AHCTF1: variants seen among roughly 807,000 people sequenced by gnomAD.
The protein encoded by AHCTF1 is AT-hook containing transcription factor 1.
Under a neutral mutation model 248.4 loss-of-function variants are expected in AHCTF1, and 24 were observed. The observed-to-expected ratio is 0.10, with a 90% CI of 0.07 to 0.14. AHCTF1 has a LOEUF of 0.14. AHCTF1 is among the 10% of genes least tolerant of loss of function. AHCTF1 has a pLI of 1.00. For missense variants in AHCTF1, 2,206 were observed against 2,636.2 expected (o/e 0.84, Z 3.57); for synonymous variants, 786 against 929.8 (o/e 0.85, Z 2.81).
At chr1:246,878,217 G>A (rs1015104150) in intron 21 of AHCTF1, among the ~76,000 whole-genome samples, 1 of 151,580 alleles carries the variant, frequency 6.6e-6, no homozygotes, top group Non-Finnish European at 1.5e-5. Context: ...GGGCAACGTG[G>A]TGAGACCCTA....
At position 246,859,487 on chromosome 1, in the gene AHCTF1, T is replaced by C. The variant is rs116790263; in HGVS notation, c.4132+1412A>G. ...CATTTCTACTTGACTCACTGTTTGATCTTCAACACCTAGAATAAACACAGT... is the reference window on the plus strand; with the variant it reads ...CATTTCTACTTGACTCACTGTTTGACCTTCAACACCTAGAATAAACACAGT... On this transcript the variant is annotated intron_variant, in intron 29 of 35. Transcript: ENST00000648844. Among the ~76,000 whole-genome samples, 960 of 152,298 alleles carry C rather than the reference T, an allele frequency of 6.3e-3. 6 individuals are homozygous for C. The highest frequency in any genetic ancestry group is 0.025 in the South Asian group (123 of 4,824).
intron 4 of AHCTF1, among the ~76,000 whole-genome samples, chr1:246,911,368 T>C (rs764884470): frequency 2.0e-5 from 3 of 152,216 alleles, no homozygotes; most frequent in Admixed American, 1.3e-4. Context: ...TTTTTAGTTA[T>C]TGCTTTTGCT....
intron 26 of AHCTF1, among the ~76,000 whole-genome samples, chr1:246,864,550 T>C (rs1558226412): frequency 6.6e-6 from 1 of 152,178 alleles, no homozygotes; most frequent in Admixed American, 6.5e-5. Flanking sequence ...TATTGGTTCA[T>C]TTTGCCTTTA....
Position 246,849,769 on chromosome 1 carries a change from C to T in AHCTF1, c.6237G>A (p.Glu2079=). 2 of 1,613,930 alleles carry T rather than the reference C, an allele frequency of 1.2e-6. No individual in the cohort carries two copies. The highest frequency in any genetic ancestry group is 2.2e-5 in the East Asian group (1 of 44,882). Residue 2079 remains glutamate, a synonymous_variant, in exon 33 of 36, where the codon GAG becomes GAA. Transcript: ENST00000648844. ...TDEMTHKETN[E]QEERLLATAS... ...CTGTGGCGAGCAATCTTTCTTCCTG[C>T]TCATTTGTTTCTTTATGTGTCATTT...
rs557080972 is a variant in AHCTF1 at position 246,839,513 on chromosome 1, G to C, written c.*1293C>G. 1.5e-5 allele frequency: 15 copies of C among 985,562 alleles called. No homozygotes were observed. The highest frequency in any genetic ancestry group is 1.8e-5 in the Non-Finnish European group (15 of 829,754). 61.1% of individuals were successfully genotyped at this position (985,562 alleles called of 1,614,324 possible). A position where few individuals can be genotyped will look rare whatever the true frequency, so the allele number is the denominator to read the frequency against. On this transcript the variant is annotated 3_prime_UTR_variant, in exon 36 of 36. Coordinates refer to ENST00000648844, the MANE Select transcript of AHCTF1 (RefSeq NM_001323342.2). ...TCAGTGAAATTTTCAACAAGGCAGC[G>C]TAACATCCATCACTAACCTGACTAA...
chr1:246,919,712 A>AAC (rs1666389860), intron 1 of AHCTF1, among the ~76,000 whole-genome samples: 2 of 151,662 alleles, frequency 1.3e-5, no homozygotes, highest in African/African-American at 4.9e-5. Flanking sequence ...TCAAAAAAAA[A>AAC]AAAAATCCTC....
Position 246,840,974 on chromosome 1 carries a change from C to T in AHCTF1, c.6633G>A (p.Trp2211Ter). The change falls in exon 36 of 36, where the codon TGG becomes TGA. Residue 2211 changes from tryptophan to a stop codon, truncating the protein, a stop_gained. Coordinates refer to ENST00000648844, the MANE Select transcript of AHCTF1 (RefSeq NM_001323342.2). LOFTEE classifies it high-confidence loss of function. The stretch of plus-strand genomic sequence containing the variant: ...GCCGAATTTCTATGGGAGGAGGTGA[C>T]CAAGCACTTTCTTTTTCTGTGTTTC... ...ASKNTEKESA[W>*]SPPPIEIRLI... 2.5e-6 allele frequency: 4 copies of T among 1,606,532 alleles called. No individual in the cohort carries two copies. Among genetic ancestry groups the T allele is most frequent in the Non-Finnish European group, 2.5e-6 (3 of 1,177,946 alleles).
intron 4 of AHCTF1, among the ~76,000 whole-genome samples, chr1:246,912,205 T>C (rs1326055158): frequency 2.6e-5 from 4 of 151,910 alleles, no homozygotes; most frequent in African/African-American, 2.4e-5. Flanking sequence ...GTGCCGGGTG[T>C]GGTGGCTCAC....
At chr1:246,880,567 CAAAAAA>C (rs370055569) in intron 21 of AHCTF1, among the ~76,000 whole-genome samples, 3 of 54,508 alleles carry the variant, frequency 5.5e-5, no homozygotes, top group Non-Finnish European at 1.2e-4. Context: ...GACTCCAGCT[CAAAAAA>C]AAAAAAAAAA....
At chr1:246,915,996 T>A in intron 3 of AHCTF1, 146 bp downstream of exon 3, 2 of 950,558 alleles carry the variant, frequency 2.1e-6, no homozygotes, top group Non-Finnish European at 3.0e-6. Context: ...TTCTAAACAC[T>A]TTACCTAAGA....
chr1:246,846,566 CCAT>C (rs577248790), intron 33 of AHCTF1, among the ~76,000 whole-genome samples: 98 of 152,020 alleles, frequency 6.4e-4, no homozygotes, highest in Non-Finnish European at 1.1e-3. Flanking sequence ...CCTTCCAATC[CCAT>C]CATCTCATTC....
At chr1:246,907,958 AAC>A (rs1251088784) in intron 4 of AHCTF1, among the ~76,000 whole-genome samples, 200 bp from the exon 5 acceptor site, 48 of 152,366 alleles carry the variant, frequency 3.2e-4, no homozygotes, top group Non-Finnish European at 5.9e-4. Context: ...CAATTTAAAA[AAC>A]ACATTCAATT....
At chr1:246,878,494 A>C (rs1243463502) in intron 21 of AHCTF1, among the ~76,000 whole-genome samples, 2 of 151,694 alleles carry the variant, frequency 1.3e-5, no homozygotes, top group African/African-American at 4.8e-5. Context: ...GAAAATCATT[A>C]GTTTTTTAAA....
chr1:246,901,350 A>T (rs1392681494), intron 8 of AHCTF1, among the ~76,000 whole-genome samples: 2 of 152,046 alleles, frequency 1.3e-5, no homozygotes, highest in South Asian at 4.2e-4. Context: ...AAAAAAACAA[A>T]AACAGGCCAG....
rs777073621 is a variant in AHCTF1, at chr1:246,864,649, C to T, written c.3348-533G>A. 2.7e-4 allele frequency among the ~76,000 whole-genome samples: 6 copies of T among 22,176 alleles called. 2 individuals carry two copies. The highest frequency in any genetic ancestry group is 3.9e-4 in the Non-Finnish European group (6 of 15,524). 14.5% of individuals were successfully genotyped at this position (22,176 alleles called of 152,430 possible). ...AGGAGATCGAGACCATCCTGGCTAACAAGGTGAAACCCCGTCTCTACTAAA... is the reference window on the plus strand; with the variant it reads ...AGGAGATCGAGACCATCCTGGCTAATAAGGTGAAACCCCGTCTCTACTAAA... On this transcript the variant is annotated intron_variant, in intron 26 of 35. Coordinates refer to ENST00000648844, the MANE Select transcript of AHCTF1 (RefSeq NM_001323342.2).
At position 246,850,934 on chromosome 1, in the gene AHCTF1, T is replaced by C. The variant is rs1310305199; in HGVS notation, c.5072A>G (p.Gln1691Arg). The C allele has an allele frequency of 1.9e-6, 3 of 1,613,996 alleles. No individual in the cohort carries two copies. The highest frequency in any genetic ancestry group is 2.5e-6 in the Non-Finnish European group (3 of 1,179,856). The change falls in exon 33 of 36, where the codon CAG becomes CGG. Residue 1691 changes from glutamine to arginine, a missense_variant. Around this residue, in one of 6 missense-constraint regions of AHCTF1, gnomAD observed 955 missense variants for 1,055.6 expected, o/e 0.90. Transcript: ENST00000648844. ...SKEITSDTME[Q>R]SIHETIPLVS... Reference sequence around the variant, plus strand: ...TAAAGGTATTGTTTCATGAATGGACTGTTCCATTGTATCTGAAGTAATTTC... The same window carrying C: ...TAAAGGTATTGTTTCATGAATGGACCGTTCCATTGTATCTGAAGTAATTTC...
At chr1:246,870,801 G>A (rs1662539101) in intron 24 of AHCTF1, among the ~76,000 whole-genome samples, 1 of 150,902 alleles carries the variant, frequency 6.6e-6, no homozygotes, top group Non-Finnish European at 1.5e-5. Flanking sequence ...GAAAATGGCT[G>A]TGTATCAAAT....
intron 31 of AHCTF1, among the ~76,000 whole-genome samples, chr1:246,855,288 C>A (rs1285428329): frequency 1.3e-5 from 2 of 152,020 alleles, no homozygotes; most frequent in Non-Finnish European, 2.9e-5. Context: ...CAGGGCCTAA[C>A]TGAGAATAGG....
At chr1:246,857,940 T>C in intron 29 of AHCTF1, 126 bp from the exon 30 acceptor site, 1 of 787,186 alleles carries the variant, frequency 1.3e-6, no homozygotes, top group Non-Finnish European at 2.0e-6. Flanking sequence ...TGCTGCTGTG[T>C]TATCAGACTG....
Sources: gnomAD v4.1 joint callset for allele counts (sites outside exome capture counted in the v4.1 genomes callset) on GRCh38, gnomAD v4.1.1 for gene constraint, gnomAD v4.1.1 regional missense constraint, MANE v1.5 for transcripts, NCBI Gene and HGNC (gene_info 2026-07-23, HGNC 2026-07-21) for gene names.